The following CPAMD8 variants were observed in gnomAD, a reference collection of about 807,000 sequenced individuals.
CPAMD8 encodes C3 and PZP like alpha-2-macroglobulin domain containing 8.
In CPAMD8, 146 loss-of-function variants were observed where a neutral mutation model predicts 224.7. The observed-to-expected ratio is 0.65, with a 90% CI of 0.57 to 0.75. The LOEUF (loss-of-function observed/expected upper bound fraction) is 0.75. Ranked by LOEUF, CPAMD8 falls within the 30% of genes least tolerant of loss-of-function variation. CPAMD8 has a pLI of 0.00. For missense variants in CPAMD8, 2,301 were observed against 2,537.5 expected (o/e 0.91, Z 2.00); for synonymous variants, 966 against 1,044.6 (o/e 0.92, Z 1.45).
intron 20 of CPAMD8, among the ~76,000 whole-genome samples, chr19:16,951,220 C>T (rs2054287628): frequency 6.6e-6 from 1 of 152,142 alleles, no homozygotes; most frequent in Admixed American, 6.6e-5. Flanking sequence ...GGATCCCAAG[C>T]ACCCTCTCTG....
rs375943813 is a variant in CPAMD8, at chr19:16,899,462, C to T, written c.4848+13G>A. On this transcript the variant is annotated intron_variant, in intron 37 of 41. Transcript: ENST00000443236. This position sits in a 1 kb window ranked among gnomAD's most constrained non-coding sequence, Gnocchi z 5.4. ...CCAGGGAAGCCTCCTCCACCAACCCCGGCTGGTGGTACCTCATCAAAGTAG... is the reference window on the plus strand; with the variant it reads ...CCAGGGAAGCCTCCTCCACCAACCCTGGCTGGTGGTACCTCATCAAAGTAG... 1.8e-5 allele frequency: 25 copies of T among 1,374,210 alleles called. No homozygotes were observed. The highest frequency in any genetic ancestry group is 9.1e-5 in the East Asian group (4 of 43,770). 85.1% of individuals were successfully genotyped at this position (1,374,210 alleles called of 1,614,324 possible). A position where few individuals can be genotyped will look rare whatever the true frequency, so the allele number is the denominator to read the frequency against.
chr19:16,914,542 G>A (rs1361575646), intron 28 of CPAMD8, 44 bp from the exon 29 acceptor site: 13 of 1,610,250 alleles, frequency 8.1e-6, no homozygotes, highest in Non-Finnish European at 1.1e-5. Flanking sequence ...AAAGGAGACA[G>A]TCCACTTCCC....
chr19:17,003,732 C>T (rs557152620), intron 8 of CPAMD8, among the ~76,000 whole-genome samples: 32 of 148,708 alleles, frequency 2.2e-4, no homozygotes, highest in East Asian at 1.1e-3. Context: ...GAGCCAAGAT[C>T]GCACCACTGC....
chr19:16,950,127 G>A (rs1303825564), intron 20 of CPAMD8, among the ~76,000 whole-genome samples: 6 of 151,332 alleles, frequency 4.0e-5, no homozygotes, highest in South Asian at 4.2e-4. Flanking sequence ...GTGAAACCCC[G>A]TCTCTACTAA....
Position 16,975,191 on chromosome 19 carries a change from A to G in CPAMD8, c.1976T>C (p.Phe659Ser). 1 of 1,611,862 alleles carries G rather than the reference A, an allele frequency of 6.2e-7. No individual in the cohort carries two copies. The highest frequency in any genetic ancestry group is 8.5e-7 in the Non-Finnish European group (1 of 1,179,064). The change falls in exon 17 of 42, where the codon TTT (phenylalanine) becomes TCT (serine). Residue 659 changes from phenylalanine to serine, a missense_variant. Around this residue, in one of 4 missense-constraint regions of CPAMD8, gnomAD observed 1,709 missense variants for 1,753.2 expected, o/e 0.97. Coordinates refer to ENST00000443236, the MANE Select transcript of CPAMD8 (RefSeq NM_015692.5). Reference protein sequence around the residue: ...SFGVSREDGPFWWAGLTAQRR... With the variant: ...SFGVSREDGPSWWAGLTAQRR... ...TTGTGCCGTCAGCCCAGCCCACCAAAAAGGACCATCCTCCCTGGACACGCC... is the reference window on the plus strand; with the variant it reads ...TTGTGCCGTCAGCCCAGCCCACCAAGAAGGACCATCCTCCCTGGACACGCC...
chr19:16,996,806 G>A (rs112079778), intron 11 of CPAMD8, among the ~76,000 whole-genome samples: 8,179 of 131,660 alleles, frequency 0.062, 265 homozygotes, highest in African/African-American at 0.099. Flanking sequence ...GCGATGGAGT[G>A]TGACTATCTC....
intron 2 of CPAMD8, among the ~76,000 whole-genome samples, 174 bp from the exon 3 acceptor site, chr19:17,020,527 G>A (rs2056927280): frequency 6.6e-6 from 1 of 152,142 alleles, no homozygotes; most frequent in Non-Finnish European, 1.5e-5. Flanking sequence ...GCAGAAGCCA[G>A]AGGTTTCCTC....
intron 14 of CPAMD8, 42 bp downstream of exon 14, chr19:16,980,455 C>T: frequency 1.3e-6 from 2 of 1,585,976 alleles, no homozygotes; most frequent in South Asian, 1.1e-5. Context: ...CTCAATTGTT[C>T]AGAAGGAAGA....
At chr19:16,903,958 G>A (rs1179996165) in intron 32 of CPAMD8, 101 bp from the exon 33 acceptor site, 3 of 1,228,448 alleles carry the variant, frequency 2.4e-6, no homozygotes, top group East Asian at 2.4e-5. Flanking sequence ...GGCACCAACG[G>A]GGCTGGAATA....
chr19:16,990,481 C>CCT (rs1259751192), intron 12 of CPAMD8, among the ~76,000 whole-genome samples: 18 of 151,974 alleles, frequency 1.2e-4, no homozygotes, highest in Non-Finnish European at 2.5e-4. Flanking sequence ...TCACTTGAGT[C>CCT]CAGGAGTTCA....
chr19:16,905,067 C>T (rs1244119676), intron 30 of CPAMD8, among the ~76,000 whole-genome samples: 2 of 149,216 alleles, frequency 1.3e-5, no homozygotes, highest in Non-Finnish European at 3.0e-5. Context: ...ATGGTGAAAT[C>T]CCATCTCTAC....
intron 7 of CPAMD8, among the ~76,000 whole-genome samples, chr19:17,005,820 C>T (rs1051615400): frequency 1.3e-5 from 2 of 152,054 alleles, no homozygotes; most frequent in Admixed American, 1.3e-4. Flanking sequence ...CAAAGTGGGC[C>T]TTTGATGGTT....
intron 30 of CPAMD8, among the ~76,000 whole-genome samples, chr19:16,906,363 TTTCTTTCTTTCTTTC>T (rs2052489882): frequency 4.4e-5 from 3 of 67,422 alleles, no homozygotes; most frequent in African/African-American, 1.8e-4. Context: ...TCTTTCTTTC[TTTCTTTCTTTCTTTC>T]TTTCTTTCTT....
chr19:16,970,788 C>A, intron 18 of CPAMD8, 103 bp downstream of exon 18: 1 of 1,085,768 alleles, frequency 9.2e-7, no homozygotes, highest in South Asian at 1.4e-5. Context: ...ATAAGCCACT[C>A]GGTCTATGGT....
intron 12 of CPAMD8, 53 bp from the exon 13 acceptor site, chr19:16,989,824 G>C: frequency 6.3e-7 from 1 of 1,576,774 alleles, no homozygotes; most frequent in Admixed American, 1.7e-5. Context: ...GCAGAAAGGG[G>C]GTCTTGGGGA....
intron 13 of CPAMD8, among the ~76,000 whole-genome samples, chr19:16,984,989 A>G (rs2055663449): frequency 6.6e-6 from 1 of 152,236 alleles, no homozygotes; most frequent in South Asian, 2.1e-4. Context: ...TTTTTAGGGT[A>G]CCCATTGAAA....
chr19:17,026,203 C>G (rs998286067), intron 1 of CPAMD8, among the ~76,000 whole-genome samples: 1 of 152,200 alleles, frequency 6.6e-6, no homozygotes, highest in African/African-American at 2.4e-5. Context: ...AGTGCCCCTT[C>G]GCACTCTCCT....
rs144238580 is a variant in CPAMD8 at position 16,949,385 on chromosome 19, T to C, written c.2509-2158A>G. On this transcript the variant is annotated intron_variant, in intron 20 of 41. Coordinates refer to ENST00000443236, the MANE Select transcript of CPAMD8 (RefSeq NM_015692.5). ...AACCTACAGGTCAGGGCATAGTCTG[T>C]GTGTATGCTTTCTTTTGGAAACCGA... is the stretch of plus-strand genomic sequence containing the variant. 6.4e-3 allele frequency among the ~76,000 whole-genome samples: 981 copies of C among 152,292 alleles called. 12 individuals carry two copies. Among genetic ancestry groups the C allele is most frequent in the African/African-American group, 0.022 (914 of 41,562 alleles).
intron 3 of CPAMD8, among the ~76,000 whole-genome samples, chr19:17,017,855 AC>A (rs1240608030): frequency 6.6e-6 from 1 of 151,986 alleles, no homozygotes; most frequent in Admixed American, 6.6e-5. Context: ...ACATGATGAA[AC>A]CCCATCTCTA....
Sources: gnomAD v4.1 joint callset for allele counts (sites outside exome capture counted in the v4.1 genomes callset) on GRCh38, gnomAD v4.1.1 for gene constraint, gnomAD v4.1.1 regional missense constraint, Gnocchi (gnomAD v3.1) non-coding constraint, MANE v1.5 for transcripts, NCBI Gene and HGNC (gene_info 2026-07-23, HGNC 2026-07-21) for gene names.